The following EPHB1 variants were observed in gnomAD, a reference collection of about 807,000 sequenced individuals.
EPHB1 encodes the protein EPH receptor B1.
EPHB1 carries 30 observed loss-of-function variants against 94.4 expected under a neutral mutation model. The observed-to-expected ratio is 0.32, with a 90% CI of 0.24 to 0.43. The LOEUF is 0.43. Among genes scored for constraint, EPHB1 ranks in the 20% least tolerant of loss-of-function variants. The pLI is 1.00. For synonymous variants in EPHB1, 522 were observed against 489.1 expected (o/e 1.07, Z -0.89); for missense variants, 1,055 against 1,308.3 (o/e 0.81, Z 2.99).
chr3:135,126,850 C>T (rs572381873), intron 4 of EPHB1, among the ~76,000 whole-genome samples: 4 of 152,306 alleles, frequency 2.6e-5, no homozygotes, highest in African/African-American at 4.8e-5. Flanking sequence ...GTTCCATGAC[C>T]TCACGGCTTT....
In EPHB1 at chr3:134,878,194, A is replaced by AT. The variant is rs1470787231; in HGVS notation, c.59-47621dup. Reference sequence around the variant, plus strand: ...ATGGAGCCTTCTGAGGGATATTTGTATGTTATGAATTAAGAACAAGTTTTA... The same window carrying AT: ...ATGGAGCCTTCTGAGGGATATTTGTATTGTTATGAATTAAGAACAAGTTTTA... On this transcript the variant is annotated intron_variant, in intron 1 of 15. Coordinates refer to ENST00000398015, the MANE Select transcript of EPHB1 (RefSeq NM_004441.5). Among the ~76,000 whole-genome samples, 3 of 152,208 alleles carry AT rather than the reference A, an allele frequency of 2.0e-5. No homozygotes were observed. In the East Asian group the frequency reaches 5.8e-4, roughly 29 times the overall value.
At chr3:134,875,615 TC>T (rs1435867434) in intron 1 of EPHB1, among the ~76,000 whole-genome samples, 1 of 152,166 alleles carries the variant, frequency 6.6e-6, no homozygotes, top group East Asian at 1.9e-4. Flanking sequence ...AGTTTCCACA[TC>T]GCTAAAATGT....
intron 1 of EPHB1, among the ~76,000 whole-genome samples, chr3:134,898,119 G>A (rs963542494): frequency 2.6e-5 from 4 of 152,166 alleles, no homozygotes; most frequent in African/African-American, 9.7e-5. Flanking sequence ...CTTACCCTAG[G>A]TGGATGAGTG....
chr3:134,989,848 A>G (rs977943981), intron 3 of EPHB1, among the ~76,000 whole-genome samples: 2 of 152,228 alleles, frequency 1.3e-5, no homozygotes, highest in African/African-American at 4.8e-5. Flanking sequence ...TTAAATCACT[A>G]TTTTAAAAGT....
chr3:134,975,114 A>T (rs1280684037), intron 3 of EPHB1, among the ~76,000 whole-genome samples: 1 of 152,118 alleles, frequency 6.6e-6, no homozygotes, highest in Admixed American at 6.5e-5. Context: ...TTTTTCTGGG[A>T]GACTTTTCAT....
intron 3 of EPHB1, among the ~76,000 whole-genome samples, chr3:135,097,230 A>AGGGCCC (rs1938836264): frequency 7.7e-6 from 1 of 130,502 alleles, no homozygotes; most frequent in African/African-American, 2.9e-5. Flanking sequence ...CTTGGAGACC[A>AGGGCCC]ATTTGAGAAC....
chr3:134,954,704 A>G (rs946389207), intron 3 of EPHB1, among the ~76,000 whole-genome samples: 1 of 152,226 alleles, frequency 6.6e-6, no homozygotes, highest in Non-Finnish European at 1.5e-5. Flanking sequence ...AGAAAGAATA[A>G]TCTCTCCGCT....
chr3:135,241,659 A>G (rs773926838), intron 13 of EPHB1, among the ~76,000 whole-genome samples: 12 of 152,196 alleles, frequency 7.9e-5, no homozygotes, highest in Non-Finnish European at 1.3e-4. Flanking sequence ...TTCCCTGTGA[A>G]CGACAGAGGG....
At position 135,179,841 on chromosome 3, in the gene EPHB1, G is replaced by A; in HGVS notation, c.1760-19G>A. On this transcript the variant is annotated intron_variant, in intron 9 of 15. Coordinates refer to ENST00000398015, the MANE Select transcript of EPHB1 (RefSeq NM_004441.5). ...ATGTCCTCTTTGGGATGTTAACCCT[G>A]CTTATCTCCTCCAACAAGGCTCCCC... 3 of 1,613,376 alleles carry A rather than the reference G, an allele frequency of 1.9e-6. No homozygotes were observed. The highest frequency in any genetic ancestry group is 2.5e-6 in the Non-Finnish European group (3 of 1,179,490).
chr3:134,868,530 T>C (rs1396375993), intron 1 of EPHB1, among the ~76,000 whole-genome samples: 1 of 151,988 alleles, frequency 6.6e-6, no homozygotes, highest in East Asian at 1.9e-4. Context: ...GGGGAGGGGG[T>C]GATCTTAATC....
chr3:134,972,323 A>ACT (rs1934001193), intron 3 of EPHB1, among the ~76,000 whole-genome samples: 1 of 88,950 alleles, frequency 1.1e-5, no homozygotes. Flanking sequence ...TTTCTCTAAG[A>ACT]GTGTGTGTGT....
At chr3:135,047,819 G>A (rs1342347356) in intron 3 of EPHB1, among the ~76,000 whole-genome samples, 1 of 152,058 alleles carries the variant, frequency 6.6e-6, no homozygotes, top group Non-Finnish European at 1.5e-5. Flanking sequence ...GAGACATTTT[G>A]GTTGTCAAAA....
chr3:135,173,459 T>C (rs975319949), intron 9 of EPHB1, among the ~76,000 whole-genome samples: 3 of 152,138 alleles, frequency 2.0e-5, no homozygotes, highest in African/African-American at 7.2e-5. Flanking sequence ...ACACAAAGTG[T>C]CAGGAAGGTC....
chr3:134,849,508 T>A (rs1179990536), intron 1 of EPHB1, among the ~76,000 whole-genome samples: 1 of 152,132 alleles, frequency 6.6e-6, no homozygotes, highest in African/African-American at 2.4e-5. Context: ...CATCTGGCCC[T>A]GGGAAGAGGG....
intron 4 of EPHB1, among the ~76,000 whole-genome samples, chr3:135,122,094 G>C: frequency 6.6e-6 from 1 of 152,186 alleles, no homozygotes; most frequent in Non-Finnish European, 1.5e-5. Context: ...TGTTGTGCAG[G>C]TGCCTGTCTC....
At chr3:134,844,535 C>T (rs181625314) in intron 1 of EPHB1, among the ~76,000 whole-genome samples, 8 of 152,274 alleles carry the variant, frequency 5.3e-5, no homozygotes, top group South Asian at 2.1e-4. Context: ...ATACTGCTGC[C>T]GGATATGGCA....
At position 134,805,994 on chromosome 3, in the gene EPHB1, A is replaced by C. The variant is rs1462030167; in HGVS notation, c.58+10305A>C. Among the ~76,000 whole-genome samples the C allele has an allele frequency of 2.0e-5, 3 of 152,196 alleles. No individual in the cohort carries two copies. The East Asian group carries it at 5.8e-4, about 29-fold the overall frequency. On this transcript the variant is annotated intron_variant, in intron 1 of 15. Transcript: ENST00000398015. ...TCCTGATTGTCATGGCATCCCCAGC[A>C]CATAGCACCCCCAGCACATGGCACA...
chr3:134,899,281 T>G (rs1352581901), intron 1 of EPHB1, among the ~76,000 whole-genome samples: 43 of 152,000 alleles, frequency 2.8e-4, no homozygotes, highest in Admixed American at 2.8e-3. Context: ...GATTGTGGAG[T>G]GTTTTTGCTA....
chr3:135,170,352 T>C (rs1447759808), intron 9 of EPHB1, among the ~76,000 whole-genome samples: 1 of 152,192 alleles, frequency 6.6e-6, no homozygotes, highest in Non-Finnish European at 1.5e-5. Flanking sequence ...TGGTTTAATG[T>C]TCCTCCTCAG....
Sources: gnomAD v4.1 joint callset for allele counts (sites outside exome capture counted in the v4.1 genomes callset) on GRCh38, gnomAD v4.1.1 for gene constraint, MANE v1.5 for transcripts, NCBI Gene and HGNC (gene_info 2026-07-23, HGNC 2026-07-21) for gene names.